QKI: variants seen among roughly 807,000 people sequenced by gnomAD.
QKI encodes QKI, KH domain containing RNA binding, also known as KH domain-containing RNA-binding protein QKI.
Under a neutral mutation model 39.0 loss-of-function variants are expected in QKI, and 10 were observed. The ratio of observed to expected loss-of-function variants is 0.26; its 90% confidence interval spans 0.16 to 0.43. The LOEUF (loss-of-function observed/expected upper bound fraction) is 0.43. QKI is among the 20% of genes least tolerant of loss of function. The pLI, the probability that QKI is intolerant of heterozygous loss-of-function variation, is 1.00. For synonymous variants in QKI, 204 were observed against 155.4 expected (o/e 1.31, Z -2.33); for missense variants, 218 against 428.0 (o/e 0.51, Z 4.33).
intron 6 of QKI, chr6:163,565,511 T>C: frequency 1.0e-6 from 1 of 988,510 alleles, no homozygotes; most frequent in Non-Finnish European, 1.2e-6. Context: ...GTAAAACTTG[T>C]TTCTCATTGT....
intron 3 of QKI, among the ~76,000 whole-genome samples, chr6:163,523,507 T>C (rs1278123776): frequency 1.3e-5 from 2 of 152,212 alleles, no homozygotes; most frequent in Non-Finnish European, 2.9e-5. Context: ...AAGGACAGTT[T>C]AGCATTTGTT....
At chr6:163,565,912 G>A (rs748336263) in intron 6 of QKI, 8 of 1,612,778 alleles carry the variant, frequency 5.0e-6, no homozygotes, top group Non-Finnish European at 5.9e-6. Context: ...CTTCATTGAT[G>A]ACTAATTTTT....
intron 1 of QKI, among the ~76,000 whole-genome samples, chr6:163,454,494 A>G (rs1790788237): frequency 6.6e-6 from 1 of 152,138 alleles, no homozygotes; most frequent in Non-Finnish European, 1.5e-5. Context: ...GTCAAATCCA[A>G]GGTACCATCT....
chr6:163,536,437 T>A (rs564385260), intron 4 of QKI, among the ~76,000 whole-genome samples: 1 of 152,216 alleles, frequency 6.6e-6, no homozygotes, highest in African/African-American at 2.4e-5. Context: ...AAATATATGT[T>A]GATCAACTGT....
chr6:163,415,458 G>T (rs1787368815), intron 1 of QKI, 123 bp downstream of exon 1: 2 of 932,396 alleles, frequency 2.1e-6, no homozygotes, highest in Non-Finnish European at 2.9e-6. Context: ...GGGGGGACTG[G>T]GAGGCCAGGA....
rs1783759511 is a variant in QKI at position 163,572,670 on chromosome 6, A to AACC, written c.*1960_*1961insACC. ...CGTGGCAAATCTCAAGTGACAGTGGACCCCCCCCCCCGCCCAGCTTATCAA... is the reference window on the plus strand; with the variant it reads ...CGTGGCAAATCTCAAGTGACAGTGGAACCCCCCCCCCCCCGCCCAGCTTATCAA... On this transcript the variant is annotated 3_prime_UTR_variant, in exon 8 of 8. Transcript: ENST00000361752. 3 of 19,630 alleles carry AACC rather than the reference A, an allele frequency of 1.5e-4. No individual in the cohort carries two copies. Among genetic ancestry groups the AACC allele is most frequent in the Admixed American group, 8.9e-4 (1 of 1,118 alleles). The allele number at this position is 19,630 out of a possible 1,614,324, so 1.2% of individuals were successfully genotyped here. A position where few individuals can be genotyped will look rare whatever the true frequency, so the allele number is the denominator to read the frequency against.
At chr6:163,443,908 A>G (rs1334144895) in intron 1 of QKI, among the ~76,000 whole-genome samples, 1 of 152,144 alleles carries the variant, frequency 6.6e-6, no homozygotes, top group East Asian at 1.9e-4. Flanking sequence ...CATCGGTTTC[A>G]TTTTCAGTCT....
At chr6:163,523,368 A>G (rs549934107) in intron 3 of QKI, among the ~76,000 whole-genome samples, 1 of 152,202 alleles carries the variant, frequency 6.6e-6, no homozygotes, top group Non-Finnish European at 1.5e-5. Context: ...TAATCAGTAT[A>G]TTTTATGTTA....
chr6:163,538,712 A>G (rs1035601611), intron 4 of QKI, among the ~76,000 whole-genome samples: 1 of 152,222 alleles, frequency 6.6e-6, no homozygotes, highest in African/African-American at 2.4e-5. Flanking sequence ...AGATTCCAAT[A>G]AGGAAGTCTT....
intron 4 of QKI, among the ~76,000 whole-genome samples, chr6:163,558,588 CAG>C (rs1337705612): frequency 6.6e-6 from 1 of 151,934 alleles, no homozygotes; most frequent in African/African-American, 2.4e-5. Context: ...TTAGTAGAGA[CAG>C]AGTTTCACCA....
chr6:163,520,693 A>G (rs183646335), intron 3 of QKI, among the ~76,000 whole-genome samples: 1 of 152,186 alleles, frequency 6.6e-6, no homozygotes, highest in Admixed American at 6.5e-5. Flanking sequence ...AATGCTTTCA[A>G]GTTATTAACA....
At chr6:163,416,896 A>G (rs1452805789) in intron 1 of QKI, among the ~76,000 whole-genome samples, 1 of 137,046 alleles carries the variant, frequency 7.3e-6, no homozygotes, top group East Asian at 2.1e-4. Flanking sequence ...TTGTGGAGGC[A>G]GAAAACTTTC....
At chr6:163,479,502 G>T (rs1368558467) in intron 3 of QKI, among the ~76,000 whole-genome samples, 1 of 152,094 alleles carries the variant, frequency 6.6e-6, no homozygotes, top group Non-Finnish European at 1.5e-5. Context: ...CTCCTGAGTA[G>T]CTGGGATTAC....
chr6:163,427,428 A>G (rs977433765), intron 1 of QKI, among the ~76,000 whole-genome samples: 6 of 152,096 alleles, frequency 3.9e-5, no homozygotes, highest in African/African-American at 1.2e-4. Flanking sequence ...CATGTTACCA[A>G]TAATATAGCC....
chr6:163,474,153 C>G (rs1408516711), intron 2 of QKI, among the ~76,000 whole-genome samples: 1 of 152,020 alleles, frequency 6.6e-6, no homozygotes, highest in African/African-American at 2.4e-5. Context: ...GAACTCTTAG[C>G]AAACTAAGAA....
At chr6:163,468,257 T>C (rs1791925966) in intron 2 of QKI, among the ~76,000 whole-genome samples, 1 of 152,180 alleles carries the variant, frequency 6.6e-6, no homozygotes, top group Admixed American at 6.5e-5. Context: ...CTAGACACAA[T>C]ATTTAAAAAC....
At chr6:163,470,303 T>C (rs190249845) in intron 2 of QKI, among the ~76,000 whole-genome samples, 357 of 152,186 alleles carry the variant, frequency 2.3e-3, no homozygotes, top group Non-Finnish European at 3.7e-3. Flanking sequence ...GATGGATACG[T>C]ACTTTAGGAG....
At chr6:163,430,081 G>A (rs753380601) in intron 1 of QKI, among the ~76,000 whole-genome samples, 4 of 152,144 alleles carry the variant, frequency 2.6e-5, no homozygotes, top group Non-Finnish European at 4.4e-5. Context: ...AGGGAGTGGC[G>A]TTCTAGACAC....
At chr6:163,538,315 G>A (rs763298126) in intron 4 of QKI, among the ~76,000 whole-genome samples, 2 of 152,142 alleles carry the variant, frequency 1.3e-5, no homozygotes, top group Non-Finnish European at 2.9e-5. Context: ...AAAGTGCTGC[G>A]AAGAAAAATA....
Sources: allele counts gnomAD v4.1 joint callset (sites outside exome capture counted in the v4.1 genomes callset), GRCh38; gene constraint gnomAD v4.1.1; transcripts MANE v1.5; gene names NCBI Gene and HGNC (gene_info 2026-07-23, HGNC 2026-07-21).